The following COL13A1 variants were observed in gnomAD, a reference collection of about 807,000 sequenced individuals.
The protein encoded by COL13A1 is collagen type XIII alpha 1 chain.
Under a neutral mutation model 130.9 loss-of-function variants are expected in COL13A1, and 89 were observed. The ratio of observed to expected loss-of-function variants is 0.68; its 90% CI spans 0.57 to 0.81. COL13A1 has a LOEUF of 0.81. COL13A1 is among the 30% of genes least tolerant of loss of function. The pLI, the probability that COL13A1 is intolerant of heterozygous loss-of-function variation, is 0.00. For synonymous variants in COL13A1, 402 were observed against 341.6 expected, an observed-to-expected ratio of 1.18 and a Z score of -1.95; for missense variants, 879 against 934.6, an observed-to-expected ratio of 0.94 and a Z score of 0.78.
At chr10:69,837,855 A>G (rs1850519188) in intron 2 of COL13A1, among the ~76,000 whole-genome samples, 1 of 152,206 alleles carries the variant, frequency 6.6e-6, no homozygotes, top group Non-Finnish European at 1.5e-5. Context: ...GCTGGGGCCA[A>G]TTTCTGATGT....
chr10:69,926,521 A>T (rs1197017980), intron 26 of COL13A1, among the ~76,000 whole-genome samples: 1 of 152,186 alleles, frequency 6.6e-6, no homozygotes, highest in African/African-American at 2.4e-5. Flanking sequence ...GGGGGAAGAA[A>T]TTGCCCCTGC....
At chr10:69,891,928 C>G (rs1325462995) in intron 10 of COL13A1, among the ~76,000 whole-genome samples, 1 of 152,152 alleles carries the variant, frequency 6.6e-6, no homozygotes, top group African/African-American at 2.4e-5. Flanking sequence ...TGGAGTCTTA[C>G]CCCTCGATCA....
rs1489550306 is a variant in COL13A1, at chr10:69,867,658, T to C, written c.365-140T>C. ...GGGGAAGAGATTATATTGGTGAAAG[T>C]AGGCCAGGAAAAGACAAACTTCGAA... is the stretch of plus-strand genomic sequence containing the variant. On this transcript the variant is annotated intron_variant, in intron 2 of 40. Transcript: ENST00000645393. 6 of 627,562 alleles carry C rather than the reference T, an allele frequency of 9.6e-6. No homozygotes were observed. The East Asian group carries it at 1.4e-4, about 15-fold the overall frequency. The allele number at this position is 627,562 out of a possible 1,614,324, so 38.9% of individuals were successfully genotyped here. A position where few individuals can be genotyped will look rare whatever the true frequency, so the allele number is the denominator to read the frequency against.
chr10:69,866,803 G>A (rs940412961), intron 2 of COL13A1, among the ~76,000 whole-genome samples: 1 of 152,164 alleles, frequency 6.6e-6, no homozygotes, highest in African/African-American at 2.4e-5. Context: ...AAGGAAGCCG[G>A]CTCTGGGAAT....
intron 24 of COL13A1, among the ~76,000 whole-genome samples, 158 bp downstream of exon 24, chr10:69,924,013 C>A (rs1160153750): frequency 1.3e-5 from 2 of 152,196 alleles, no homozygotes; most frequent in Non-Finnish European, 2.9e-5. Context: ...CTTTAGAGAG[C>A]CATGCACTGA....
intron 10 of COL13A1, 51 bp downstream of exon 10, chr10:69,889,491 C>G: frequency 6.3e-7 from 1 of 1,599,104 alleles, no homozygotes; most frequent in Non-Finnish European, 8.5e-7. Context: ...GTTGGCCCAG[C>G]CTCACAGGCA....
intron 17 of COL13A1, among the ~76,000 whole-genome samples, chr10:69,914,901 C>A (rs939113528): frequency 2.0e-4 from 31 of 152,328 alleles, no homozygotes; most frequent in Admixed American, 1.5e-3. Context: ...CTGAGCGGCC[C>A]CCACACTCTG....
intron 3 of COL13A1, among the ~76,000 whole-genome samples, chr10:69,869,075 G>A (rs1034289831): frequency 6.6e-6 from 1 of 151,982 alleles, no homozygotes; most frequent in Non-Finnish European, 1.5e-5. Flanking sequence ...TCACCCCCAG[G>A]GCCAGGATGC....
intron 3 of COL13A1, 82 bp from the exon 4 acceptor site, chr10:69,872,102 C>A: frequency 1.3e-6 from 2 of 1,547,712 alleles, no homozygotes; most frequent in South Asian, 2.2e-5. Flanking sequence ...ATGCCAAGGT[C>A]ACACAGCTGG....
At chr10:69,924,002 G>T in intron 24 of COL13A1, 147 bp downstream of exon 24, 1 of 1,095,898 alleles carries the variant, frequency 9.1e-7, no homozygotes, top group Non-Finnish European at 1.3e-6. Context: ...GTTGGCTTGG[G>T]CTTTAGAGAG....
intron 10 of COL13A1, among the ~76,000 whole-genome samples, chr10:69,893,788 G>A (rs2061403468): frequency 6.6e-6 from 1 of 152,224 alleles, no homozygotes; most frequent in Non-Finnish European, 1.5e-5. Flanking sequence ...GGGAGCTGGA[G>A]TGGACACAAG....
intron 7 of COL13A1, among the ~76,000 whole-genome samples, chr10:69,884,642 A>G (rs998616764): frequency 6.6e-6 from 1 of 152,214 alleles, no homozygotes; most frequent in African/African-American, 2.4e-5. Context: ...TCAGAGATCA[A>G]TGTAAAGCTT....
At chr10:69,843,266 G>C (rs1206975367) in intron 2 of COL13A1, among the ~76,000 whole-genome samples, 2 of 152,160 alleles carry the variant, frequency 1.3e-5, no homozygotes, top group Middle Eastern at 3.2e-3. Flanking sequence ...CACGGCCTAG[G>C]AGCGAGAAGA....
intron 6 of COL13A1, among the ~76,000 whole-genome samples, chr10:69,878,506 G>C (rs1270409490): frequency 6.7e-6 from 1 of 150,312 alleles, no homozygotes; most frequent in Non-Finnish European, 1.5e-5. Context: ...TTTTGAGATT[G>C]AGTCTCGCTC....
chr10:69,870,092 TC>T (rs1254852372), intron 3 of COL13A1, among the ~76,000 whole-genome samples: 2 of 152,156 alleles, frequency 1.3e-5, no homozygotes, highest in Admixed American at 6.5e-5. Context: ...TCTGCCTCAG[TC>T]CCCTCATCTG....
At chr10:69,808,355 C>T (rs139616633) in intron 1 of COL13A1, among the ~76,000 whole-genome samples, 86 of 152,358 alleles carry the variant, frequency 5.6e-4, no homozygotes, top group African/African-American at 1.9e-3. Context: ...CCAATGTGGG[C>T]TCTCTCCCTG....
intron 2 of COL13A1, among the ~76,000 whole-genome samples, chr10:69,848,707 G>A (rs567189964): frequency 2.8e-4 from 43 of 152,298 alleles, no homozygotes; most frequent in African/African-American, 9.9e-4. Context: ...GGAGGCAAAG[G>A]GACAAGGATG....
intron 2 of COL13A1, among the ~76,000 whole-genome samples, chr10:69,855,778 GGGGAGGGATGCAAGA>G (rs11269485): frequency 6.7e-6 from 1 of 148,284 alleles, no homozygotes; most frequent in Non-Finnish European, 1.5e-5. Context: ...CAGTAGAAGG[GGGGAGGGATGCAAGA>G]GGGAGGGATG....
At chr10:69,891,762 TAATA>T (rs963024686) in intron 10 of COL13A1, among the ~76,000 whole-genome samples, 4 of 152,134 alleles carry the variant, frequency 2.6e-5, no homozygotes, top group Non-Finnish European at 4.4e-5. Context: ...CCAGAAGTAA[TAATA>T]ATGGTCATCC....
Sources: gnomAD v4.1 joint callset for allele counts (sites outside exome capture counted in the v4.1 genomes callset) on GRCh38, gnomAD v4.1.1 for gene constraint, MANE v1.5 for transcripts, NCBI Gene and HGNC (gene_info 2026-07-23, HGNC 2026-07-21) for gene names.